The following RIMS2 variants were observed in gnomAD, a reference collection of about 807,000 sequenced individuals.
RIMS2 encodes the protein regulating synaptic membrane exocytosis 2.
In RIMS2, 59 loss-of-function variants were observed where a neutral mutation model predicts 174.4. The observed-to-expected ratio is 0.34, with a 90% CI of 0.27 to 0.42. RIMS2 has a LOEUF of 0.42. Ranked by LOEUF, RIMS2 falls within the 10% of genes least tolerant of loss-of-function variation. The pLI, the probability that RIMS2 is intolerant of heterozygous loss-of-function variation, is 1.00. For missense variants in RIMS2, 1,620 were observed against 1,666.3 expected, an observed-to-expected ratio of 0.97 and a Z score of 0.48; for synonymous variants, 606 against 572.5, an observed-to-expected ratio of 1.06 and a Z score of -0.84.
intron 15 of RIMS2, among the ~76,000 whole-genome samples, chr8:103,967,900 C>G (rs2092321141): frequency 7.1e-6 from 1 of 141,364 alleles, no homozygotes; most frequent in Non-Finnish European, 1.5e-5. Context: ...GTCACCTAGG[C>G]CCCAGGCTGC....
chr8:103,664,491 A>G (rs1246438698), intron 1 of RIMS2, among the ~76,000 whole-genome samples: 1 of 152,240 alleles, frequency 6.6e-6, no homozygotes, highest in Non-Finnish European at 1.5e-5. Context: ...ACTTCTCAAA[A>G]GAAGACATTT....
chr8:103,648,949 A>T (rs2096397615), intron 1 of RIMS2, among the ~76,000 whole-genome samples: 1 of 152,132 alleles, frequency 6.6e-6, no homozygotes, highest in Non-Finnish European at 1.5e-5. Context: ...ATTTAAGGTT[A>T]GTATTGTTAT....
chr8:103,913,188 CA>C (rs968037609), intron 6 of RIMS2, among the ~76,000 whole-genome samples: 1 of 151,340 alleles, frequency 6.6e-6, no homozygotes, highest in Non-Finnish European at 1.5e-5. Flanking sequence ...CCATGTTGGC[CA>C]GGATGATCTT....
chr8:104,087,914 C>G (rs773082097), intron 19 of RIMS2, among the ~76,000 whole-genome samples: 1 of 151,990 alleles, frequency 6.6e-6, no homozygotes, highest in Non-Finnish European at 1.5e-5. Context: ...CTGCAGCTAT[C>G]AGAAATCTTT....
chr8:104,115,926 G>T (rs1219379931), intron 19 of RIMS2, among the ~76,000 whole-genome samples: 2 of 152,206 alleles, frequency 1.3e-5, no homozygotes, highest in East Asian at 3.8e-4. Flanking sequence ...GCCAAAGAGA[G>T]TATATCAGTG....
chr8:103,797,632 G>C (rs551313951), intron 3 of RIMS2, among the ~76,000 whole-genome samples: 2 of 152,254 alleles, frequency 1.3e-5, no homozygotes, highest in South Asian at 4.1e-4. Context: ...TAAACTACTT[G>C]TTGCTACATA....
chr8:104,222,505 C>T (rs980772341), intron 19 of RIMS2, among the ~76,000 whole-genome samples: 1 of 152,066 alleles, frequency 6.6e-6, no homozygotes, highest in African/African-American at 2.4e-5. Context: ...TGAATAGTAC[C>T]CTACCTTCCC....
rs371895487 is a variant in RIMS2 at position 104,093,580 on chromosome 8, G to A, written c.3334+78965G>A. The A allele has an allele frequency of 8.1e-5, 129 of 1,597,476 alleles. No individual in the cohort carries two copies. The Middle Eastern group carries it at 1.2e-3, about 14-fold the overall frequency. On this transcript the variant is annotated intron_variant, in intron 19 of 23. Coordinates refer to ENST00000504942, the Ensembl canonical transcript of RIMS2. ...GTTTCAAGGACTAGTAGTGCTTCTC[G>A]TTTCAGCAGCACAAGCTACATGTCT...
In RIMS2 at chr8:103,978,184, C is replaced by A. The variant is rs182076536; in HGVS notation, c.2927+2678C>A. Among the ~76,000 whole-genome samples the A allele has an allele frequency of 7.9e-5, 12 of 152,302 alleles. No individual in the cohort carries two copies. The East Asian group carries it at 2.3e-3, about 29-fold the overall frequency. ...AAGACCAAATGTATTTCATATTATA[C>A]CACACTTTACTTTTATCAGGGAAAG... On this transcript the variant is annotated intron_variant, in intron 16 of 23. Transcript: ENST00000504942.
intron 2 of RIMS2, among the ~76,000 whole-genome samples, chr8:103,764,151 A>G (rs2098141646): frequency 6.6e-6 from 1 of 152,174 alleles, no homozygotes; most frequent in Non-Finnish European, 1.5e-5. Flanking sequence ...TAACCTGCTT[A>G]CCTTGTGAAA....
intron 17 of RIMS2, among the ~76,000 whole-genome samples, chr8:104,005,978 T>A (rs1219874374): frequency 1.3e-5 from 2 of 152,062 alleles, no homozygotes; most frequent in Non-Finnish European, 2.9e-5. Flanking sequence ...TGTAAGGTAG[T>A]GCTGAGAACT....
chr8:103,521,613 A>G (rs191798659), intron 1 of RIMS2, among the ~76,000 whole-genome samples: 1 of 152,156 alleles, frequency 6.6e-6, no homozygotes, highest in African/African-American at 2.4e-5. Context: ...ATTTCATTGC[A>G]ATTAAAACAA....
chr8:103,773,142 G>GA (rs889613439), intron 3 of RIMS2, among the ~76,000 whole-genome samples: 89 of 144,830 alleles, frequency 6.1e-4, no homozygotes, highest in Middle Eastern at 3.6e-3. Context: ...TCTATAAAAT[G>GA]AAAAAAAAAA....
At chr8:103,803,415 A>C (rs1365947832) in intron 3 of RIMS2, among the ~76,000 whole-genome samples, 1 of 152,170 alleles carries the variant, frequency 6.6e-6, no homozygotes, top group Non-Finnish European at 1.5e-5. Flanking sequence ...GAAGACCTCA[A>C]AGAATTTTTG....
chr8:103,889,333 C>T (rs1310362414), intron 4 of RIMS2, among the ~76,000 whole-genome samples: 1 of 151,650 alleles, frequency 6.6e-6, no homozygotes, highest in Non-Finnish European at 1.5e-5. Flanking sequence ...TATCCCTACA[C>T]TAAATAACTC....
intron 19 of RIMS2, among the ~76,000 whole-genome samples, chr8:104,105,463 A>C (rs1053759777): frequency 1.3e-5 from 2 of 152,136 alleles, no homozygotes; most frequent in Non-Finnish European, 2.9e-5. Context: ...TCCACTTGCT[A>C]TTGGTGTCAC....
At chr8:104,248,796 T>C in exon 21 of RIMS2, 1 of 1,581,828 alleles carries the variant, frequency 6.3e-7, no homozygotes, top group Non-Finnish European at 8.7e-7. Flanking sequence ...CGCCAGACTC[T>C]GGCAACACCT....
chr8:103,814,414 TA>T (rs1344241214), intron 3 of RIMS2, among the ~76,000 whole-genome samples: 1 of 149,438 alleles, frequency 6.7e-6, no homozygotes, highest in Non-Finnish European at 1.5e-5. Flanking sequence ...AAATAAAAGT[TA>T]AAAAAACTAA....
chr8:103,729,771 T>A (rs1291802073), intron 2 of RIMS2, among the ~76,000 whole-genome samples: 1 of 152,186 alleles, frequency 6.6e-6, no homozygotes, highest in Non-Finnish European at 1.5e-5. Context: ...TCAAGAAACT[T>A]TTCAGTTTCC....
Sources: gnomAD v4.1 joint callset for allele counts (sites outside exome capture counted in the v4.1 genomes callset) on GRCh38, gnomAD v4.1.1 for gene constraint, MANE v1.5 for transcripts, NCBI Gene and HGNC (gene_info 2026-07-23, HGNC 2026-07-21) for gene names.